Variants in IFT57 observed in about 807,000 individuals in gnomAD.
IFT57 encodes intraflagellar transport 57, also known as intraflagellar transport protein 57 homolog.
IFT57 carries 59 observed loss-of-function variants against 56.8 expected under a neutral mutation model. The ratio of observed to expected loss-of-function variants is 1.04; its 90% CI spans 0.84 to 1.29. The LOEUF (loss-of-function observed/expected upper bound fraction) is 1.29, where lower values mean the gene tolerates loss of function less well. Ranked by LOEUF, IFT57 falls within the 50% of genes most tolerant of loss-of-function variation. The probability of loss-of-function intolerance (pLI) is 0.00; values close to 1 mark genes in which losing one functional copy is unlikely to be tolerated. For synonymous variants in IFT57, 209 were observed against 186.1 expected, an observed-to-expected ratio of 1.12 and a Z score of -1.00; for missense variants, 470 against 522.1, an observed-to-expected ratio of 0.90 and a Z score of 0.97.
At chr3:108,206,974 G>A (rs2080317498) in intron 4 of IFT57, among the ~76,000 whole-genome samples, 2 of 152,024 alleles carry the variant, frequency 1.3e-5, no homozygotes, top group South Asian at 4.1e-4. Context: ...AAGGAAGGGA[G>A]CCATTGCTAT....
intron 6 of IFT57, 27 bp downstream of exon 6, chr3:108,191,494 T>TA: frequency 6.7e-7 from 1 of 1,503,726 alleles, no homozygotes; most frequent in East Asian, 2.4e-5. Flanking sequence ...TTTTTTTTTT[T>TA]AAGAAAATGT....
At chr3:108,210,328 T>G in intron 4 of IFT57, among the ~76,000 whole-genome samples, 1 of 130,462 alleles carries the variant, frequency 7.7e-6, no homozygotes, top group Non-Finnish European at 1.6e-5. Flanking sequence ...CTGTCAGAAA[T>G]AATCTTTTTT....
At chr3:108,194,015 G>A (rs2080229874) in intron 5 of IFT57, among the ~76,000 whole-genome samples, 1 of 152,148 alleles carries the variant, frequency 6.6e-6, no homozygotes, top group Non-Finnish European at 1.5e-5. Flanking sequence ...TACACAAAGG[G>A]TTACTCCTGC....
At chr3:108,163,287 C>T (rs2080044284) in intron 10 of IFT57, among the ~76,000 whole-genome samples, 1 of 152,040 alleles carries the variant, frequency 6.6e-6, no homozygotes, top group African/African-American at 2.4e-5. Context: ...ACATCACTGC[C>T]TTAGTGTCAT....
chr3:108,187,491 A>T (rs901137332), intron 6 of IFT57, among the ~76,000 whole-genome samples: 1 of 152,156 alleles, frequency 6.6e-6, no homozygotes, highest in Non-Finnish European at 1.5e-5. Flanking sequence ...GAAGCATAAA[A>T]AGAATAAATG....
chr3:108,196,088 C>T (rs1560116495), intron 5 of IFT57, among the ~76,000 whole-genome samples: 1 of 151,916 alleles, frequency 6.6e-6, no homozygotes. Context: ...TGCCTTGTAT[C>T]AAAATATCAC....
At chr3:108,197,524 A>G (rs1243942994) in intron 5 of IFT57, among the ~76,000 whole-genome samples, 1 of 152,222 alleles carries the variant, frequency 6.6e-6, no homozygotes, top group East Asian at 1.9e-4. Flanking sequence ...TTAAAAGCCT[A>G]CTTAGAATCC....
At chr3:108,182,838 T>C (rs903768991) in intron 6 of IFT57, among the ~76,000 whole-genome samples, 2 of 152,164 alleles carry the variant, frequency 1.3e-5, no homozygotes, top group Non-Finnish European at 2.9e-5. Flanking sequence ...AGAGACATTT[T>C]GGTGGAATGA....
In IFT57 at chr3:108,162,535, T is replaced by C. The variant is rs35713185; in HGVS notation, c.1232A>G (p.Asn411Ser). 0.012 allele frequency: 19,201 copies of C among 1,612,394 alleles called. 138 individuals are homozygous for C. The highest frequency in any genetic ancestry group is 0.029 in the Middle Eastern group (175 of 6,054). Reference sequence around the variant, plus strand: ...TGTGGCATGCATGTTCCTAGTCATGTTGGACTTCTCCTTCAGCTTTGATTG... The same window carrying C: ...TGTGGCATGCATGTTCCTAGTCATGCTGGACTTCTCCTTCAGCTTTGATTG... ...LLQSKLKEKS[N>S]MTRNMHATVI... The change falls in exon 11 of 11, where the codon AAC (asparagine) becomes AGC (serine). Residue 411 changes from asparagine to serine, a missense_variant. Coordinates refer to ENST00000264538, the MANE Select transcript of IFT57 (RefSeq NM_018010.4).
intron 5 of IFT57, among the ~76,000 whole-genome samples, chr3:108,193,627 T>C (rs2080227941): frequency 6.6e-6 from 1 of 152,178 alleles, no homozygotes; most frequent in Non-Finnish European, 1.5e-5. Flanking sequence ...TACTTCTATA[T>C]ATATTGGATC....
At chr3:108,171,385 G>A (rs2080091293) in intron 6 of IFT57, among the ~76,000 whole-genome samples, 1 of 151,796 alleles carries the variant, frequency 6.6e-6, no homozygotes, top group African/African-American at 2.4e-5. Context: ...AAGAAAGGGG[G>A]CAACTGGCTA....
At chr3:108,174,344 TGAA>T (rs10576911) in intron 6 of IFT57, among the ~76,000 whole-genome samples, 82,417 of 150,274 alleles carry the variant, frequency 0.55, 23,130 homozygotes, top group Middle Eastern at 0.67. Flanking sequence ...TGTGTCAAAA[TGAA>T]GAAGAAGAAG....
chr3:108,173,808 G>GTGTGTGTATA (rs771647277), intron 6 of IFT57, among the ~76,000 whole-genome samples: 1 of 127,088 alleles, frequency 7.9e-6, no homozygotes, highest in African/African-American at 3.1e-5. Context: ...GTGTGTGTGT[G>GTGTGTGTATA]TATATAATAT....
At chr3:108,189,731 G>A (rs2080204559) in intron 6 of IFT57, among the ~76,000 whole-genome samples, 1 of 151,964 alleles carries the variant, frequency 6.6e-6, no homozygotes, top group Admixed American at 6.6e-5. Flanking sequence ...TGGTCGTTAG[G>A]GGCACTGATC....
At chr3:108,169,419 C>T (rs2080080959) in intron 6 of IFT57, among the ~76,000 whole-genome samples, 1 of 151,648 alleles carries the variant, frequency 6.6e-6, no homozygotes, top group Admixed American at 6.6e-5. Context: ...CAAAAATTTT[C>T]TCCCATTCTC....
At chr3:108,193,931 G>A (rs1352549330) in intron 5 of IFT57, among the ~76,000 whole-genome samples, 1 of 152,170 alleles carries the variant, frequency 6.6e-6, no homozygotes, top group Non-Finnish European at 1.5e-5. Flanking sequence ...ATAGACTAAT[G>A]GGGGCTGGGG....
chr3:108,220,800 T>C (rs1260977578), intron 1 of IFT57, among the ~76,000 whole-genome samples: 2 of 152,186 alleles, frequency 1.3e-5, no homozygotes, highest in Non-Finnish European at 2.9e-5. Flanking sequence ...TCCCAGGTGA[T>C]GCTGATGCTG....
At chr3:108,168,304 T>TTAA (rs2080073923) in intron 6 of IFT57, among the ~76,000 whole-genome samples, 1 of 151,956 alleles carries the variant, frequency 6.6e-6, no homozygotes, top group Non-Finnish European at 1.5e-5. Flanking sequence ...TGAAGCCTTT[T>TTAA]GAGTCCCTTT....
rs56169780 is a variant in IFT57 at position 108,218,579 on chromosome 3, G to A, written c.450C>T (p.Cys150=). 1.9e-6 allele frequency: 3 copies of A among 1,565,314 alleles called. No individual in the cohort carries two copies. In the South Asian group the frequency reaches 3.6e-5, roughly 19 times the overall value. ...TATATTTCAATGCTTCTTCAGCGAA[G>A]CAATCAAGAACATAGCATACATGTT... ...YGEHVCYVLD[C]FAEEALKYIG... Residue 150 remains cysteine (C), a synonymous_variant, in exon 3 of 11, where the codon TGC becomes TGT. Transcript: ENST00000264538.
Sources: gnomAD v4.1 joint callset for allele counts (sites outside exome capture counted in the v4.1 genomes callset) on GRCh38, gnomAD v4.1.1 for gene constraint, MANE v1.5 for transcripts, NCBI Gene and HGNC (gene_info 2026-07-23, HGNC 2026-07-21) for gene names.